Variants in SUN1 observed in about 807,000 individuals in gnomAD.
SUN1 encodes the protein SUN domain-containing protein 1.
Under a neutral mutation model 103.2 loss-of-function variants are expected in SUN1, and 61 were observed. That is an observed-to-expected ratio of 0.59 (90% CI 0.48 to 0.73). The LOEUF is 0.73. Ranked by LOEUF, SUN1 falls within the 30% of genes least tolerant of loss-of-function variation. The pLI is 0.00. For synonymous variants in SUN1, 490 were observed against 425.7 expected (o/e 1.15, Z -1.86); for missense variants, 1,052 against 1,034.6 (o/e 1.02, Z -0.23).
chr7:863,030 T>C (rs1057256709), intron 15 of SUN1, among the ~76,000 whole-genome samples: 4 of 152,044 alleles, frequency 2.6e-5, no homozygotes, highest in Non-Finnish European at 5.9e-5. Flanking sequence ...TAGTCCCAGC[T>C]ACTTGGGAGG....
chr7:843,950 C>T, intron 5 of SUN1: 1 of 1,052,550 alleles, frequency 9.5e-7, no homozygotes, highest in South Asian at 2.9e-5. Flanking sequence ...CCCGTGGTCG[C>T]TAGCCCTGTG....
chr7:870,186 CAG>C (rs1840435941), intron 17 of SUN1, among the ~76,000 whole-genome samples: 2 of 128,854 alleles, frequency 1.6e-5, no homozygotes, highest in African/African-American at 3.0e-5. Flanking sequence ...GCCTGGGCAA[CAG>C]AGTGAGACCC....
At chr7:865,168 G>A (rs1173294382) in intron 15 of SUN1, among the ~76,000 whole-genome samples, 1 of 152,102 alleles carries the variant, frequency 6.6e-6, no homozygotes, top group African/African-American at 2.4e-5. Flanking sequence ...TATCACCCAG[G>A]CTGGAGTCAG....
chr7:849,113 G>A lies in SUN1; in HGVS notation c.659-2271G>A, dbSNP rs914315781. Reference sequence around the variant, plus strand: ...ACTACAGGCGCACGCCACCACGCCCGGCTAATTTTTTGCATTTTTACTAAA... The same window carrying A: ...ACTACAGGCGCACGCCACCACGCCCAGCTAATTTTTTGCATTTTTACTAAA... On this transcript the variant is annotated intron_variant, in intron 5 of 18. Coordinates refer to ENST00000401592, the MANE Select transcript of SUN1 (RefSeq NM_001130965.3). 2.6e-5 allele frequency among the ~76,000 whole-genome samples: 4 copies of A among 152,156 alleles called. 1 individual carries two copies. Among genetic ancestry groups the A allele is most frequent in the Middle Eastern group, 6.8e-3 (2 of 292 alleles).
At chr7:819,441 C>G (rs1448602384) in intron 1 of SUN1, among the ~76,000 whole-genome samples, 1 of 152,068 alleles carries the variant, frequency 6.6e-6, no homozygotes, top group Non-Finnish European at 1.5e-5. Flanking sequence ...AGGATTTGTC[C>G]TGTGTTTTCC....
chr7:830,633 A>G (rs1797069752), upstream of SUN1, among the ~76,000 whole-genome samples: 1 of 152,104 alleles, frequency 6.6e-6, no homozygotes. Context: ...TCTTTTCCCT[A>G]CCATCCCCAT....
chr7:850,775 AAAAAAAAC>A (rs1204505066), intron 5 of SUN1: 1 of 148,518 alleles, frequency 6.7e-6, no homozygotes, highest in Non-Finnish European at 1.5e-5. Flanking sequence ...ATTAAAAAAA[AAAAAAAAC>A]AAAAAAAAAC....
intron 13 of SUN1, among the ~76,000 whole-genome samples, chr7:858,990 C>T (rs1222178895): frequency 1.3e-5 from 2 of 152,058 alleles, no homozygotes; most frequent in African/African-American, 4.8e-5. Context: ...CGCGTCTCTA[C>T]TAAAAATACA....
At chr7:825,770 A>G (rs1219161670) in intron 1 of SUN1, among the ~76,000 whole-genome samples, 1 of 152,160 alleles carries the variant, frequency 6.6e-6, no homozygotes, top group African/African-American at 2.4e-5. Flanking sequence ...GAAAACATCT[A>G]TTTCTAAGAC....
chr7:826,108 C>T (rs764073947), intron 1 of SUN1, among the ~76,000 whole-genome samples: 2 of 152,008 alleles, frequency 1.3e-5, no homozygotes, highest in African/African-American at 4.8e-5. Context: ...TGCCGTGACG[C>T]GCCCCTGTGG....
chr7:864,590 T>C (rs1459346214), intron 15 of SUN1, among the ~76,000 whole-genome samples: 3 of 147,914 alleles, frequency 2.0e-5, no homozygotes, highest in African/African-American at 7.4e-5. Flanking sequence ...TGAAGTTCAC[T>C]ACAGTCACCC....
At position 873,267 on chromosome 7, in the gene SUN1, A is replaced by G. The variant is rs1842936102; in HGVS notation, c.2294A>G (p.Asn765Ser). Reference protein sequence around the residue: ...FQIVELRIFSNWGHPEYTCLY... With the variant: ...FQIVELRIFSSWGHPEYTCLY... Reference sequence around the variant, plus strand: ...ATAGTGGAACTTCGGATTTTTTCTAACTGGGGCCATCCTGAGTATACCTGT... The same window carrying G: ...ATAGTGGAACTTCGGATTTTTTCTAGCTGGGGCCATCCTGAGTATACCTGT... The change falls in exon 19 of 19, where the codon AAC becomes AGC. Residue 765 changes from asparagine to serine, a missense_variant. Asn to Ser is a conservative substitution (Grantham distance 46). Coordinates refer to ENST00000401592, the MANE Select transcript of SUN1 (RefSeq NM_001130965.3). The G allele has an allele frequency of 6.2e-7, 1 of 1,614,132 alleles. No homozygotes were observed. Among genetic ancestry groups the G allele is most frequent in the African/African-American group, 1.3e-5 (1 of 74,950 alleles).
At chr7:867,253 A>T (rs1274523155) in intron 16 of SUN1, among the ~76,000 whole-genome samples, 1 of 152,224 alleles carries the variant, frequency 6.6e-6, no homozygotes, top group East Asian at 1.9e-4. Context: ...TCCTCACTGC[A>T]GGCAGACGCA....
upstream of SUN1, chr7:831,980 G>A (rs1798405455): frequency 1.1e-6 from 1 of 945,424 alleles, no homozygotes; most frequent in South Asian, 4.9e-5. Context: ...GGAAAAAAGT[G>A]TAAATAGTGC....
At chr7:844,500 A>G (rs1431655968) in intron 5 of SUN1, among the ~76,000 whole-genome samples, 1 of 152,206 alleles carries the variant, frequency 6.6e-6, no homozygotes, top group Non-Finnish European at 1.5e-5. Flanking sequence ...CTTCTGCCCT[A>G]AGATTTCTCG....
At chr7:835,372 G>C (rs1430473536) in intron 1 of SUN1, among the ~76,000 whole-genome samples, 1 of 152,228 alleles carries the variant, frequency 6.6e-6, no homozygotes, top group African/African-American at 2.4e-5. Flanking sequence ...GTCTCTAAAA[G>C]ATAATGATAT....
chr7:870,836 T>C (rs1306652846), intron 17 of SUN1, among the ~76,000 whole-genome samples: 1 of 152,024 alleles, frequency 6.6e-6, no homozygotes, highest in Admixed American at 6.6e-5. Context: ...CAGCATGTTG[T>C]ACGGCCGAGT....
intron 13 of SUN1, among the ~76,000 whole-genome samples, chr7:859,008 C>T (rs1039876467): frequency 6.6e-6 from 1 of 152,050 alleles, no homozygotes; most frequent in African/African-American, 2.4e-5. Context: ...ACAAAATTAG[C>T]CGGGTGTGGT....
chr7:861,647 G>C (rs1249140653), intron 15 of SUN1, among the ~76,000 whole-genome samples, 183 bp downstream of exon 15: 1 of 152,220 alleles, frequency 6.6e-6, no homozygotes, highest in Non-Finnish European at 1.5e-5. Flanking sequence ...AGTTGTGTTT[G>C]GGGGGCACAA....
Sources: gnomAD v4.1 joint callset for allele counts (sites outside exome capture counted in the v4.1 genomes callset) on GRCh38, gnomAD v4.1.1 for gene constraint, MANE v1.5 for transcripts, NCBI Gene and HGNC (gene_info 2026-07-23, HGNC 2026-07-21) for gene names.